The following ADGRL2 variants were observed in gnomAD, a reference collection of about 807,000 sequenced individuals.
The protein encoded by ADGRL2 is calcium-independent alpha-latrotoxin receptor 2.
A neutral mutation model predicts 157.4 loss-of-function variants in ADGRL2; 44 were observed. The observed-to-expected ratio is 0.28, with a 90% CI of 0.22 to 0.36. The LOEUF (loss-of-function observed/expected upper bound fraction) is 0.36. Ranked by LOEUF, ADGRL2 falls within the 10% of genes least tolerant of loss-of-function variation. ADGRL2 has a pLI of 1.00. For synonymous variants in ADGRL2, 585 were observed against 624.7 expected (o/e 0.94, Z 0.95); for missense variants, 1,510 against 1,768.9 (o/e 0.85, Z 2.63).
intron 3 of ADGRL2, among the ~76,000 whole-genome samples, chr1:81,586,710 T>A (rs2081033602): frequency 6.6e-6 from 1 of 152,044 alleles, no homozygotes; most frequent in South Asian, 2.1e-4. Flanking sequence ...AAATTGGCAT[T>A]CAGAGTGAGT....
At chr1:81,368,232 G>A (rs1301317234) in intron 1 of ADGRL2, among the ~76,000 whole-genome samples, 2 of 152,302 alleles carry the variant, frequency 1.3e-5, no homozygotes, top group East Asian at 3.9e-4. Context: ...TGACTGGCAT[G>A]AGATGGTATC....
At position 81,915,221 on chromosome 1, in the gene ADGRL2, G is replaced by A. The variant is rs561779838; in HGVS notation, c.287+7991G>A. Among the ~76,000 whole-genome samples the A allele has an allele frequency of 7.9e-5, 12 of 152,054 alleles. No individual in the cohort carries two copies. The South Asian group carries it at 2.5e-3, about 32-fold the overall frequency. On this transcript the variant is annotated intron_variant, in intron 3 of 23. Transcript: ENST00000686636. ...CTCCCGAGTAGCTGGTACTACAGGT[G>A]CATGCCACCACACCCAGCTAATTTT...
At chr1:81,849,310 C>T (rs1413610155) in intron 2 of ADGRL2, among the ~76,000 whole-genome samples, 1 of 151,846 alleles carries the variant, frequency 6.6e-6, no homozygotes, top group East Asian at 1.9e-4. Flanking sequence ...CTAAATACAG[C>T]CTAGAAGAAC....
intron 3 of ADGRL2, among the ~76,000 whole-genome samples, chr1:81,689,702 G>A (rs553744266): frequency 1.3e-5 from 2 of 152,308 alleles, no homozygotes; most frequent in East Asian, 1.9e-4. Flanking sequence ...AGAATGCAGC[G>A]ATGGAACTTT....
intron 1 of ADGRL2, among the ~76,000 whole-genome samples, chr1:81,713,714 T>A (rs1184707054): frequency 6.6e-6 from 1 of 152,076 alleles, no homozygotes; most frequent in Non-Finnish European, 1.5e-5. Flanking sequence ...TGATGAAAAA[T>A]TGGTCTCAGA....
intron 3 of ADGRL2, among the ~76,000 whole-genome samples, chr1:81,694,447 A>G (rs1459653282): frequency 6.6e-6 from 1 of 152,030 alleles, no homozygotes; most frequent in East Asian, 1.9e-4. Context: ...GGTACATAGT[A>G]ATAAAAAAAT....
At chr1:81,758,903 G>A (rs2085778640) in intron 1 of ADGRL2, among the ~76,000 whole-genome samples, 1 of 152,030 alleles carries the variant, frequency 6.6e-6, no homozygotes, top group African/African-American at 2.4e-5. Flanking sequence ...TTTGAAGATA[G>A]GTTCCATGCT....
intron 2 of ADGRL2, among the ~76,000 whole-genome samples, chr1:81,452,658 T>C (rs1418606377): frequency 1.3e-5 from 2 of 152,204 alleles, no homozygotes; most frequent in Admixed American, 1.3e-4. Context: ...CCTGTGAGAA[T>C]AGCATTTCCT....
intron 3 of ADGRL2, among the ~76,000 whole-genome samples, chr1:81,922,385 T>A (rs527819783): frequency 1.3e-5 from 2 of 152,272 alleles, no homozygotes; most frequent in African/African-American, 2.4e-5. Flanking sequence ...AAGATTGTGT[T>A]TATATATATC....
intron 3 of ADGRL2, among the ~76,000 whole-genome samples, chr1:81,669,737 T>C (rs906200933): frequency 5.9e-5 from 9 of 151,836 alleles, no homozygotes; most frequent in Non-Finnish European, 8.8e-5. Context: ...GGTCAGGAGA[T>C]CGAGACCATC....
intron 1 of ADGRL2, among the ~76,000 whole-genome samples, chr1:81,832,889 G>C (rs1320568942): frequency 6.6e-6 from 1 of 152,184 alleles, no homozygotes; most frequent in Non-Finnish European, 1.5e-5. Flanking sequence ...ATGTTAAGAA[G>C]GGGAAATCTA....
At chr1:81,590,968 C>T (rs1162168429) in intron 3 of ADGRL2, among the ~76,000 whole-genome samples, 2 of 152,182 alleles carry the variant, frequency 1.3e-5, no homozygotes, top group East Asian at 3.9e-4. Context: ...CAGGCATACT[C>T]TTTGAGCATA....
At position 81,785,018 on chromosome 1, in the gene ADGRL2, T is replaced by C. The variant is rs143089360; in HGVS notation, c.-101+23166T>C. 6.6e-3 allele frequency among the ~76,000 whole-genome samples: 1,000 copies of C among 152,172 alleles called. 3 individuals are homozygous for C. Among genetic ancestry groups the C allele is most frequent in the African/African-American group, 0.022 (894 of 41,530 alleles). On this transcript the variant is annotated intron_variant, in intron 2 of 20. Coordinates refer to the ADGRL2 transcript ENST00000359929. Reference sequence around the variant, plus strand: ...TAGTTTTACTTTTTTCATTGAGAAGTGACTTGCTTAGTGGGGGAAAAAAAA... The same window carrying C: ...TAGTTTTACTTTTTTCATTGAGAAGCGACTTGCTTAGTGGGGGAAAAAAAA...
intron 1 of ADGRL2, among the ~76,000 whole-genome samples, chr1:81,393,597 CAGGG>C (rs1233840170): frequency 1.3e-5 from 2 of 151,968 alleles, no homozygotes; most frequent in Admixed American, 6.6e-5. Context: ...AATTTAGCAG[CAGGG>C]AAGGAATGCC....
At chr1:81,410,463 A>G (rs1346494998) in intron 1 of ADGRL2, among the ~76,000 whole-genome samples, 1 of 152,204 alleles carries the variant, frequency 6.6e-6, no homozygotes, top group Admixed American at 6.5e-5. Flanking sequence ...TCCGTGATGC[A>G]GATTAGCACT....
intron 2 of ADGRL2, among the ~76,000 whole-genome samples, chr1:81,578,080 C>A (rs534724753): frequency 1.3e-5 from 2 of 152,236 alleles, no homozygotes; most frequent in South Asian, 2.1e-4. Context: ...ATTTTAAGCA[C>A]CATTAAAACC....
At chr1:81,981,222 C>A in intron 18 of ADGRL2, 1 of 246,578 alleles carries the variant, frequency 4.1e-6, no homozygotes, top group Non-Finnish European at 9.0e-6. Context: ...TTCTACAGTT[C>A]TTTTCTTCTT....
At chr1:81,683,759 A>C (rs763794833) in intron 3 of ADGRL2, among the ~76,000 whole-genome samples, 1 of 151,932 alleles carries the variant, frequency 6.6e-6, no homozygotes, top group African/African-American at 2.4e-5. Flanking sequence ...CACGTTTTGC[A>C]ATTGTGAATT....
chr1:81,500,885 C>T (rs1391958070), intron 2 of ADGRL2, among the ~76,000 whole-genome samples: 1 of 151,984 alleles, frequency 6.6e-6, no homozygotes, highest in Non-Finnish European at 1.5e-5. Flanking sequence ...AAAATAGAGC[C>T]CCTTCTCCAA....
Sources: allele counts gnomAD v4.1 joint callset (sites outside exome capture counted in the v4.1 genomes callset), GRCh38; gene constraint gnomAD v4.1.1; transcripts MANE v1.5; gene names NCBI Gene and HGNC (gene_info 2026-07-23, HGNC 2026-07-21).